CSMD1: variants seen among roughly 807,000 people sequenced by gnomAD.
CSMD1 encodes the protein CUB and Sushi multiple domains 1, also known as CUB and sushi domain-containing protein 1.
A neutral mutation model predicts 417.5 loss-of-function variants in CSMD1; 213 were observed. The ratio of observed to expected loss-of-function variants is 0.51; its 90% CI spans 0.46 to 0.57. The LOEUF (loss-of-function observed/expected upper bound fraction) is 0.57. Ranked by LOEUF, CSMD1 falls within the 20% of genes least tolerant of loss-of-function variation. CSMD1 has a pLI of 0.00. For synonymous variants in CSMD1, 2,862 were observed against 1,736.8 expected (o/e 1.65, Z -16.11); for missense variants, 6,923 against 4,529.7 (o/e 1.53, Z -15.17).
At chr8:3,956,617 A>G (rs1420091867) in intron 5 of CSMD1, among the ~76,000 whole-genome samples, 1 of 152,216 alleles carries the variant, frequency 6.6e-6, no homozygotes, top group African/African-American at 2.4e-5. Flanking sequence ...AATTCTGATA[A>G]CAAGACTAAA....
intron 5 of CSMD1, among the ~76,000 whole-genome samples, chr8:3,822,915 G>C (rs1178169767): frequency 1.3e-5 from 2 of 152,156 alleles, no homozygotes; most frequent in East Asian, 3.9e-4. Flanking sequence ...GCAGAGCTAA[G>C]TAAAGACTGT....
chr8:3,291,524 G>T (rs1346176945), intron 25 of CSMD1, among the ~76,000 whole-genome samples: 1 of 152,120 alleles, frequency 6.6e-6, no homozygotes, highest in African/African-American at 2.4e-5. Context: ...GGTCTATTCA[G>T]AGATTCAACT....
At chr8:3,461,173 C>T (rs146334162) in intron 12 of CSMD1, among the ~76,000 whole-genome samples, 114 of 152,262 alleles carry the variant, frequency 7.5e-4, no homozygotes, top group African/African-American at 2.6e-3. Flanking sequence ...TAGCTGCACA[C>T]CTCTCAGGGA....
At chr8:4,033,821 C>G (rs989104270) in intron 3 of CSMD1, among the ~76,000 whole-genome samples, 3 of 152,176 alleles carry the variant, frequency 2.0e-5, no homozygotes, top group African/African-American at 4.8e-5. Context: ...ACTTGAAACT[C>G]CATTCCACAC....
At chr8:4,289,512 A>G (rs770073738) in intron 3 of CSMD1, among the ~76,000 whole-genome samples, 3 of 152,304 alleles carry the variant, frequency 2.0e-5, no homozygotes, top group East Asian at 1.9e-4. Flanking sequence ...GTCCACTGTC[A>G]GTATGAGCAA....
At chr8:3,561,990 C>G (rs78896975) in intron 10 of CSMD1, among the ~76,000 whole-genome samples, 122,055 of 151,762 alleles carry the variant, frequency 0.8, 49,750 homozygotes, top group Middle Eastern at 0.88. Flanking sequence ...TTATCTGCTA[C>G]GTCAGAAACT....
intron 3 of CSMD1, among the ~76,000 whole-genome samples, chr8:4,401,115 C>T (rs1303935781): frequency 6.6e-6 from 1 of 152,096 alleles, no homozygotes; most frequent in Admixed American, 6.5e-5. Flanking sequence ...CCTTCTTCAG[C>T]TCCACATAAA....
chr8:3,360,336 G>A (rs11774749), intron 20 of CSMD1, among the ~76,000 whole-genome samples: 65,641 of 152,076 alleles, frequency 0.43, 14,347 homozygotes, highest in Admixed American at 0.55. Flanking sequence ...TGTTTGCCAC[G>A]TTCTTTACAG....
At chr8:4,746,187 A>G (rs939836922) in intron 1 of CSMD1, among the ~76,000 whole-genome samples, 11 of 152,092 alleles carry the variant, frequency 7.2e-5, no homozygotes, top group East Asian at 1.9e-4. Context: ...TCTTTGTCCA[A>G]TTCCGCCCTA....
chr8:4,532,140 C>T (rs567537306), intron 2 of CSMD1, among the ~76,000 whole-genome samples: 3 of 53,198 alleles, frequency 5.6e-5, no homozygotes, highest in Non-Finnish European at 7.7e-5. Flanking sequence ...AGAAATCCTG[C>T]AAGCCCATTC....
chr8:3,584,341 G>C (rs1800508763), intron 9 of CSMD1, among the ~76,000 whole-genome samples: 1 of 152,138 alleles, frequency 6.6e-6, no homozygotes, highest in African/African-American at 2.4e-5. Context: ...CCAAACAAGA[G>C]AGACCCTGCG....
At chr8:3,385,081 A>G (rs1810915683) in intron 18 of CSMD1, among the ~76,000 whole-genome samples, 1 of 108,388 alleles carries the variant, frequency 9.2e-6, no homozygotes, top group Admixed American at 1.3e-4. Flanking sequence ...TATATATATA[A>G]TTTATATATA....
intron 2 of CSMD1, among the ~76,000 whole-genome samples, chr8:4,529,301 C>T (rs141007920): frequency 6.6e-6 from 1 of 152,118 alleles, no homozygotes; most frequent in African/African-American, 2.4e-5. Context: ...AACATTACAA[C>T]AGATTGTATG....
At chr8:4,169,424 C>G (rs1250128527) in intron 3 of CSMD1, among the ~76,000 whole-genome samples, 1 of 152,142 alleles carries the variant, frequency 6.6e-6, no homozygotes, top group Non-Finnish European at 1.5e-5. Flanking sequence ...TTTCTCACAT[C>G]CCACCTTTAA....
intron 26 of CSMD1, among the ~76,000 whole-genome samples, chr8:3,235,575 T>C (rs1467909471): frequency 6.6e-6 from 1 of 152,174 alleles, no homozygotes; most frequent in African/African-American, 2.4e-5. Flanking sequence ...AAAAAACTTC[T>C]AAAAATCATT....
At chr8:3,791,877 C>T (rs542937484) in intron 5 of CSMD1, among the ~76,000 whole-genome samples, 2 of 151,946 alleles carry the variant, frequency 1.3e-5, no homozygotes, top group East Asian at 3.9e-4. Flanking sequence ...TAGGTTGGTG[C>T]AAAAGTAATT....
intron 3 of CSMD1, among the ~76,000 whole-genome samples, chr8:4,366,888 A>C (rs1182879424): frequency 6.6e-6 from 1 of 151,744 alleles, no homozygotes; most frequent in Non-Finnish European, 1.5e-5. Context: ...CATTTTTTTA[A>C]TAGGGTTGTT....
intron 9 of CSMD1, among the ~76,000 whole-genome samples, chr8:3,575,419 T>C (rs1251152654): frequency 1.3e-5 from 2 of 152,130 alleles, no homozygotes; most frequent in African/African-American, 4.8e-5. Context: ...GTGTCGTTGT[T>C]CAGAGAGTCT....
chr8:4,893,760 T>A (rs558240119), intron 1 of CSMD1, among the ~76,000 whole-genome samples: 2 of 152,302 alleles, frequency 1.3e-5, no homozygotes, highest in South Asian at 2.1e-4. Flanking sequence ...TTAATCTATG[T>A]GCTGCTTTCA....
Sources: allele counts gnomAD v4.1 joint callset (sites outside exome capture counted in the v4.1 genomes callset), GRCh38; gene constraint gnomAD v4.1.1; transcripts MANE v1.5; gene names NCBI Gene and HGNC (gene_info 2026-07-23, HGNC 2026-07-21).